Variants in SEMA3C observed in about 807,000 individuals in gnomAD.
SEMA3C encodes the protein semaphorin-3C.
In SEMA3C, 47 loss-of-function variants were observed where a neutral mutation model predicts 89.4. The ratio of observed to expected loss-of-function variants is 0.53; its 90% CI spans 0.42 to 0.67. The LOEUF is 0.67. Ranked by LOEUF, SEMA3C falls within the 30% of genes least tolerant of loss-of-function variation. The pLI, the probability that SEMA3C is intolerant of heterozygous loss-of-function variation, is 0.00. For missense variants in SEMA3C, 839 were observed against 929.1 expected, an observed-to-expected ratio of 0.90 and a Z score of 1.26; for synonymous variants, 310 against 320.2, an observed-to-expected ratio of 0.97 and a Z score of 0.34.
chr7:80,878,826 C>T (rs1428501308), intron 2 of SEMA3C, among the ~76,000 whole-genome samples: 1 of 151,744 alleles, frequency 6.6e-6, no homozygotes, highest in Non-Finnish European at 1.5e-5. Context: ...GGAGTGTGAT[C>T]CTAGAGACAC....
At chr7:80,770,011 C>T (rs1237680162) in intron 12 of SEMA3C, among the ~76,000 whole-genome samples, 3 of 151,800 alleles carry the variant, frequency 2.0e-5, no homozygotes, top group African/African-American at 7.3e-5. Context: ...ATGAGGAATA[C>T]TTCTGAGGTA....
chr7:80,828,793 A>C (rs372717698), intron 2 of SEMA3C, 48 bp from the exon 3 acceptor site: 3 of 1,354,076 alleles, frequency 2.2e-6, no homozygotes, highest in Non-Finnish European at 3.0e-6. Context: ...CTGGTTCTAT[A>C]ATTCTATTAT....
intron 4 of SEMA3C, among the ~76,000 whole-genome samples, chr7:80,822,311 T>G (rs1296474003): frequency 1.3e-5 from 2 of 151,682 alleles, no homozygotes; most frequent in African/African-American, 4.9e-5. Context: ...AGGTGACATT[T>G]GAGCTGAGTC....
chr7:80,804,004 A>G (rs1010022288), intron 8 of SEMA3C, 102 bp downstream of exon 8: 36 of 1,036,692 alleles, frequency 3.5e-5, no homozygotes, highest in Non-Finnish European at 4.4e-5. Context: ...TGCTTCCCTC[A>G]ATATTTTATT....
Position 80,810,631 on chromosome 7 carries a change from T to C in SEMA3C, c.518A>G (p.Asn173Ser). 1 of 1,613,728 alleles carries C rather than the reference T, an allele frequency of 6.2e-7. No homozygotes were observed. Among genetic ancestry groups the C allele is most frequent in the South Asian group, 1.1e-5 (1 of 91,074 alleles). Reference sequence around the variant, plus strand: ...CTTACTGATCATAACAGACACCGTGTTCACGTTGGGGTTGAAAGAGCAGCG... The same window carrying C: ...CTTACTGATCATAACAGACACCGTGCTCACGTTGGGGTTGAAAGAGCAGCG... ...KGRCSFNPNV[N>S]TVSVMINEEL... Residue 173 changes from asparagine (N) to serine (S), a missense_variant, in exon 6 of 18, where the codon AAC becomes AGC. Physicochemically the swap from Asn to Ser is conservative, Grantham distance 46. Coordinates refer to ENST00000265361, the MANE Select transcript of SEMA3C (RefSeq NM_006379.5).
At chr7:80,756,406 G>A (rs1470452701) in intron 15 of SEMA3C, among the ~76,000 whole-genome samples, 3 of 151,812 alleles carry the variant, frequency 2.0e-5, no homozygotes, top group Non-Finnish European at 2.9e-5. Context: ...GTAGCCTCCT[G>A]TCATGCAGCT....
intron 2 of SEMA3C, among the ~76,000 whole-genome samples, chr7:80,912,612 C>T (rs1209777130): frequency 6.6e-6 from 1 of 152,170 alleles, no homozygotes; most frequent in Non-Finnish European, 1.5e-5. Context: ...TTTACTAAAA[C>T]ACTCATGTGT....
chr7:80,804,904 T>C lies in SEMA3C; in HGVS notation c.659-656A>G, dbSNP rs191809192. Among the ~76,000 whole-genome samples the C allele has an allele frequency of 7.2e-4, 110 of 152,262 alleles. 1 individual carries two copies. Among genetic ancestry groups the C allele is most frequent in the Middle Eastern group, 3.4e-3 (1 of 294 alleles). On this transcript the variant is annotated intron_variant, in intron 7 of 17. Transcript: ENST00000265361. ...GCTTAACTCTGCAATGTTAAATGAA[T>C]TGCCACATTTAGGGTCAGCTAAAAA... is the stretch of plus-strand genomic sequence containing the variant.
At chr7:80,894,563 G>A (rs1276560624) in intron 2 of SEMA3C, among the ~76,000 whole-genome samples, 2 of 152,120 alleles carry the variant, frequency 1.3e-5, no homozygotes, top group African/African-American at 4.8e-5. Flanking sequence ...TGATGCATTA[G>A]CACTGGGGGT....
intron 5 of SEMA3C, among the ~76,000 whole-genome samples, chr7:80,814,290 A>G (rs1789546559): frequency 6.6e-6 from 1 of 151,766 alleles, no homozygotes; most frequent in South Asian, 2.1e-4. Flanking sequence ...GGATTTCACC[A>G]TGTTAGCCAG....
chr7:80,845,324 C>T (rs1443084832), intron 2 of SEMA3C, among the ~76,000 whole-genome samples: 1 of 152,040 alleles, frequency 6.6e-6, no homozygotes, highest in Non-Finnish European at 1.5e-5. Context: ...ACGTGCATTT[C>T]CTGAGTACTT....
intron 12 of SEMA3C, among the ~76,000 whole-genome samples, chr7:80,783,309 T>A (rs1486469660): frequency 6.6e-6 from 1 of 152,078 alleles, no homozygotes; most frequent in Non-Finnish European, 1.5e-5. Context: ...CTCTTCTACA[T>A]GATCAAGTAG....
chr7:80,874,569 C>T (rs139320437), intron 2 of SEMA3C, among the ~76,000 whole-genome samples: 3,309 of 151,878 alleles, frequency 0.022, 56 homozygotes, highest in African/African-American at 0.038. Flanking sequence ...CAGGTTCAAG[C>T]GATTCTCCTG....
chr7:80,800,946 C>A lies in SEMA3C; in HGVS notation c.917-120G>T, dbSNP rs555906907. 318 of 491,246 alleles carry A rather than the reference C, an allele frequency of 6.5e-4. 2 individuals carry two copies. The highest frequency in any genetic ancestry group is 5.4e-3 in the African/African-American group (267 of 49,122). 30.4% of individuals were successfully genotyped at this position (491,246 alleles called of 1,614,324 possible). A position where few individuals can be genotyped will look rare whatever the true frequency, so the allele number is the denominator to read the frequency against. Reference sequence around the variant, plus strand: ...TACTCTGCAAAAAGATATTCCTGTACCATTATGGTAATTTGGAAACAAATA... The same window carrying A: ...TACTCTGCAAAAAGATATTCCTGTAACATTATGGTAATTTGGAAACAAATA... On this transcript the variant is annotated intron_variant, in intron 9 of 17. Transcript: ENST00000265361.
intron 2 of SEMA3C, among the ~76,000 whole-genome samples, chr7:80,875,392 C>T (rs930287546): frequency 1.6e-4 from 24 of 152,104 alleles, no homozygotes; most frequent in African/African-American, 4.8e-4. Context: ...AGTTTCAGTG[C>T]ACTCAGTATA....
chr7:80,757,706 C>T (rs184095027), intron 15 of SEMA3C, among the ~76,000 whole-genome samples: 1 of 152,194 alleles, frequency 6.6e-6, no homozygotes, highest in Non-Finnish European at 1.5e-5. Flanking sequence ...AGCGGTGGCT[C>T]ACGCCTGTAA....
intron 2 of SEMA3C, among the ~76,000 whole-genome samples, chr7:80,836,053 A>G (rs1025734019): frequency 6.6e-6 from 1 of 151,994 alleles, no homozygotes; most frequent in Non-Finnish European, 1.5e-5. Context: ...ATGGGTCTGC[A>G]TAGTATCAAA....
Position 80,862,136 on chromosome 7 carries a change from A to G in SEMA3C, c.104-33391T>C, listed in dbSNP as rs1258931559. ...AGAAATAAAGGGCATCCAAATAGGT[A>G]AAGAGGAAGTCATACTGTCACTGTT... On this transcript the variant is annotated intron_variant, in intron 2 of 17. Transcript: ENST00000265361. 5.3e-5 allele frequency among the ~76,000 whole-genome samples: 8 copies of G among 152,144 alleles called. No homozygotes were observed. In the East Asian group the frequency reaches 1.5e-3, roughly 29 times the overall value.
chr7:80,751,616 T>A (rs552779357), intron 15 of SEMA3C, among the ~76,000 whole-genome samples: 1 of 152,308 alleles, frequency 6.6e-6, no homozygotes, highest in South Asian at 2.1e-4. Flanking sequence ...ATATCCTGAG[T>A]AAATGCTACC....
Sources: allele counts gnomAD v4.1 joint callset (sites outside exome capture counted in the v4.1 genomes callset), GRCh38; gene constraint gnomAD v4.1.1; transcripts MANE v1.5; gene names NCBI Gene and HGNC (gene_info 2026-07-23, HGNC 2026-07-21).